The following TRAPPC11 variants were observed in gnomAD, a reference collection of about 807,000 sequenced individuals.
TRAPPC11 encodes the protein foie gras homolog.
Under a neutral mutation model 151.2 loss-of-function variants are expected in TRAPPC11, and 104 were observed. The ratio of observed to expected loss-of-function variants is 0.69; its 90% CI spans 0.59 to 0.81. The LOEUF (loss-of-function observed/expected upper bound fraction) is 0.81, where lower values mean the gene tolerates loss of function less well. Ranked by LOEUF, TRAPPC11 falls within the 30% of genes least tolerant of loss-of-function variation. The probability of loss-of-function intolerance (pLI) is 0.00; values close to 1 mark genes in which losing one functional copy is unlikely to be tolerated. For missense variants in TRAPPC11, 1,230 were observed against 1,349.6 expected, an observed-to-expected ratio of 0.91 and a Z score of 1.39; for synonymous variants, 456 against 472.3, an observed-to-expected ratio of 0.97 and a Z score of 0.45.
rs1459969143 is a variant in TRAPPC11, at chr4:183,683,967, T to A, written c.1208-8T>A. 2 of 1,613,044 alleles carry A rather than the reference T, an allele frequency of 1.2e-6. No individual in the cohort carries two copies. Among genetic ancestry groups the A allele is most frequent in the South Asian group, 2.2e-5 (2 of 91,054 alleles). ...TGTCTAAAATGAGTTGTGTCTCATC[T>A]TACGCAGGTTTTGATCTTTCTGATC... On this transcript the variant is annotated splice_region_variant and splice_polypyrimidine_tract_variant and intron_variant, in intron 11 of 29. Coordinates refer to ENST00000334690, the MANE Select transcript of TRAPPC11 (RefSeq NM_021942.6).
At chr4:183,665,929 C>CTTTTTTTTT (rs11462767) in intron 2 of TRAPPC11, among the ~76,000 whole-genome samples, 1 of 137,888 alleles carries the variant, frequency 7.3e-6, no homozygotes, top group Non-Finnish European at 1.5e-5. Context: ...AAATGGGCTA[C>CTTTTTTTTT]TTTTTTTTTT....
At position 183,684,423 on chromosome 4, in the gene TRAPPC11, A is replaced by C. The variant is rs575943771; in HGVS notation, c.1421+64A>C. The C allele has an allele frequency of 1.1e-4, 153 of 1,441,424 alleles. No individual in the cohort carries two copies. In the African/African-American group the frequency reaches 2.0e-3, roughly 18 times the overall value. The allele number at this position is 1,441,424 out of a possible 1,614,324, so 89.3% of individuals were successfully genotyped here. A position where few individuals can be genotyped will look rare whatever the true frequency, so the allele number is the denominator to read the frequency against. Reference sequence around the variant, plus strand: ...ATTATCTGAAGTGAAACTGAAATAGAAATCAGTGTTGAAGGAGTTCGTATT... The same window carrying C: ...ATTATCTGAAGTGAAACTGAAATAGCAATCAGTGTTGAAGGAGTTCGTATT... On this transcript the variant is annotated intron_variant, in intron 14 of 29. Coordinates refer to ENST00000334690, the MANE Select transcript of TRAPPC11 (RefSeq NM_021942.6).
intron 5 of TRAPPC11, among the ~76,000 whole-genome samples, chr4:183,668,909 C>T (rs1405284086): frequency 6.6e-6 from 1 of 152,150 alleles, no homozygotes; most frequent in Non-Finnish European, 1.5e-5. Flanking sequence ...AAGTGTCCTT[C>T]GTTAACTCAT....
chr4:183,674,872 T>G (rs1735336526), intron 6 of TRAPPC11, 60 bp downstream of exon 6: 4 of 1,052,292 alleles, frequency 3.8e-6, no homozygotes, highest in Non-Finnish European at 5.7e-6. Context: ...ATTTTTGAGG[T>G]GATTATTACA....
At chr4:183,668,378 T>C (rs1366589833) in intron 5 of TRAPPC11, among the ~76,000 whole-genome samples, 1 of 152,218 alleles carries the variant, frequency 6.6e-6, no homozygotes, top group Non-Finnish European at 1.5e-5. Flanking sequence ...TGTATTTCTT[T>C]ATAGTATCCA....
chr4:183,679,432 A>G lies in TRAPPC11; in HGVS notation c.911A>G (p.Lys304Arg). 6.2e-7 allele frequency: 1 copy of G among 1,613,184 alleles called. No homozygotes were observed. Among genetic ancestry groups the G allele is most frequent in the Non-Finnish European group, 8.5e-7 (1 of 1,179,552 alleles). The change falls in exon 9 of 30, where the codon AAA becomes AGA. Residue 304 changes from lysine (K) to arginine (R), a missense_variant. Physicochemically the swap from Lys to Arg is conservative, Grantham distance 26. Transcript: ENST00000334690. Reference protein sequence around the residue: ...QFRKHIDLCKKKIGSAELSFE... With the variant: ...QFRKHIDLCKRKIGSAELSFE... ...CGAAAACACATCGACTTGTGTAAGA[A>G]AAAGATTGGAAGTGCAGAGCTGTCT...
At position 183,675,238 on chromosome 4, in the gene TRAPPC11, G is replaced by A. The variant is rs1203385361; in HGVS notation, c.734+1G>A. On this transcript the variant is annotated splice_donor_variant, in intron 7 of 29. Coordinates refer to ENST00000334690, the MANE Select transcript of TRAPPC11 (RefSeq NM_021942.6). LOFTEE classifies it high-confidence loss of function. ...AACAAGATACACAAAATGCGCTGAAGTAAGTTAAGCTTTCAAACTAAATGT... is the reference window on the plus strand; with the variant it reads ...AACAAGATACACAAAATGCGCTGAAATAAGTTAAGCTTTCAAACTAAATGT... 1.3e-6 allele frequency: 2 copies of A among 1,526,582 alleles called. No individual in the cohort carries two copies. Among genetic ancestry groups the A allele is most frequent in the Non-Finnish European group, 1.8e-6 (2 of 1,132,592 alleles). The allele number at this position is 1,526,582 out of a possible 1,614,324, so 94.6% of individuals were successfully genotyped here. A position where few individuals can be genotyped will look rare whatever the true frequency, so the allele number is the denominator to read the frequency against.
chr4:183,661,286 C>T (rs1734499132), intron 1 of TRAPPC11, among the ~76,000 whole-genome samples: 1 of 151,426 alleles, frequency 6.6e-6, no homozygotes, highest in South Asian at 2.1e-4. Context: ...TAGGTATTAG[C>T]CTAAGTGTGC....
chr4:183,662,354 C>CAAAA (rs202105209), intron 1 of TRAPPC11, among the ~76,000 whole-genome samples: 5,617 of 110,014 alleles, frequency 0.051, 208 homozygotes, highest in South Asian at 0.084. Context: ...TACTCCGTCT[C>CAAAA]AAAAAAAAAA....
Position 183,693,253 on chromosome 4 carries a change from G to A in TRAPPC11, c.2237+106G>A, listed in dbSNP as rs1470749853. 1.7e-5 allele frequency: 19 copies of A among 1,107,070 alleles called. No homozygotes were observed. The Admixed American group carries it at 4.6e-4, about 27-fold the overall frequency. The allele number at this position is 1,107,070 out of a possible 1,614,324, so 68.6% of individuals were successfully genotyped here. A position where few individuals can be genotyped will look rare whatever the true frequency, so the allele number is the denominator to read the frequency against. On this transcript the variant is annotated intron_variant, in intron 20 of 29. Transcript: ENST00000334690. Reference sequence around the variant, plus strand: ...CTTGTCCAGGCTGGAGTGCAGTGGTGTGATCACGACTCACTGTAGCCTTGA... The same window carrying A: ...CTTGTCCAGGCTGGAGTGCAGTGGTATGATCACGACTCACTGTAGCCTTGA...
chr4:183,665,091 C>CTTTTTT (rs66913932), intron 2 of TRAPPC11, among the ~76,000 whole-genome samples: 114 of 106,414 alleles, frequency 1.1e-3, no homozygotes, highest in African/African-American at 1.6e-3. Flanking sequence ...TCTTTTCTTT[C>CTTTTTT]TTTTTTTTTT....
chr4:183,703,587 T>C (rs1736904671), intron 26 of TRAPPC11, among the ~76,000 whole-genome samples: 1 of 152,242 alleles, frequency 6.6e-6, no homozygotes, highest in Non-Finnish European at 1.5e-5. Context: ...AGAATGTTCA[T>C]GGGCTGGGCA....
intron 1 of TRAPPC11, among the ~76,000 whole-genome samples, chr4:183,660,433 G>A (rs2111269641): frequency 6.6e-6 from 1 of 152,292 alleles, no homozygotes; most frequent in East Asian, 1.9e-4. Flanking sequence ...ATTATTGTCA[G>A]TATGATAATA....
intron 29 of TRAPPC11, among the ~76,000 whole-genome samples, chr4:183,710,280 A>G (rs1036819186): frequency 4.8e-4 from 67 of 139,352 alleles, no homozygotes; most frequent in African/African-American, 1.5e-3. Context: ...GAAAGGTTCC[A>G]GAAAATAAAC....
At chr4:183,688,781 T>C (rs1238090164) in intron 18 of TRAPPC11, among the ~76,000 whole-genome samples, 4 of 152,160 alleles carry the variant, frequency 2.6e-5, no homozygotes, top group Non-Finnish European at 5.9e-5. Flanking sequence ...GGCTGCACTC[T>C]ATCTCCCAGG....
intron 5 of TRAPPC11, among the ~76,000 whole-genome samples, chr4:183,669,666 G>A (rs987003915): frequency 1.3e-5 from 2 of 152,160 alleles, no homozygotes. Context: ...TAACTGAGGG[G>A]GTTGCTGTAT....
chr4:183,675,006 T>C (rs896138998), intron 6 of TRAPPC11, 158 bp from the exon 7 acceptor site: 1 of 570,862 alleles, frequency 1.8e-6, no homozygotes, highest in African/African-American at 2.0e-5. Flanking sequence ...GGTAGATTTT[T>C]ATAGCCTTCT....
intron 11 of TRAPPC11, among the ~76,000 whole-genome samples, chr4:183,683,506 A>G (rs1253986395): frequency 2.0e-5 from 3 of 152,080 alleles, no homozygotes; most frequent in African/African-American, 7.2e-5. Context: ...ACAAAAAAAT[A>G]CAAAAATTAG....
chr4:183,663,808 T>A, intron 1 of TRAPPC11, 39 bp from the exon 2 acceptor site: 1 of 1,383,564 alleles, frequency 7.2e-7, no homozygotes, highest in Non-Finnish European at 1.0e-6. Context: ...TATGAGTTTT[T>A]AAAAATTAAT....
Sources: allele counts gnomAD v4.1 joint callset (sites outside exome capture counted in the v4.1 genomes callset), GRCh38; gene constraint gnomAD v4.1.1; transcripts MANE v1.5; gene names NCBI Gene and HGNC (gene_info 2026-07-23, HGNC 2026-07-21).